Variants in PTCHD4 observed in about 807,000 individuals in gnomAD.
The protein encoded by PTCHD4 is patched domain containing 4, also known as patched domain-containing protein 4.
In PTCHD4, 33 loss-of-function variants were observed where a neutral mutation model predicts 58.1. The ratio of observed to expected loss-of-function variants is 0.57; its 90% CI spans 0.43 to 0.76. The LOEUF (loss-of-function observed/expected upper bound fraction) is 0.76, where lower values mean the gene tolerates loss of function less well. Ranked by LOEUF, PTCHD4 falls within the 30% of genes least tolerant of loss-of-function variation. The pLI, the probability that PTCHD4 is intolerant of heterozygous loss-of-function variation, is 0.00. For missense variants in PTCHD4, 1,058 were observed against 1,027.1 expected (o/e 1.03, Z -0.41); for synonymous variants, 478 against 409.6 (o/e 1.17, Z -2.02).
intron 4 of PTCHD4, among the ~76,000 whole-genome samples, chr6:47,984,965 A>T (rs1768006737): frequency 6.6e-6 from 1 of 152,150 alleles, no homozygotes; most frequent in Non-Finnish European, 1.5e-5. Context: ...CTTTATAATG[A>T]GTATAAAGTT....
intron 4 of PTCHD4, among the ~76,000 whole-genome samples, chr6:47,921,383 C>T (rs1765427261): frequency 6.6e-6 from 1 of 152,060 alleles, no homozygotes; most frequent in South Asian, 2.1e-4. Context: ...TTTTAAAAAT[C>T]AGCTTTTGTC....
rs1764941319 is a variant in PTCHD4 at position 48,069,846 on chromosome 6, A to T, written c.-889T>A. Among the ~76,000 whole-genome samples the T allele has an allele frequency of 6.6e-6, 1 of 152,108 alleles. No homozygotes were observed. Among genetic ancestry groups the T allele is most frequent in the Non-Finnish European group, 1.5e-5 (1 of 68,014 alleles). ...ACCCCTCACCCATGAGGACTGTTTC[A>T]AGCCATCTGGTTCAGGCTAATTTTC... On this transcript the variant is annotated 5_prime_UTR_variant, in exon 2 of 5. It removes the in-frame stop codon of an upstream open reading frame in the 5' UTR. Transcript: ENST00000339488.
chr6:48,046,356 T>G (rs1402513815), intron 3 of PTCHD4, among the ~76,000 whole-genome samples: 1 of 151,852 alleles, frequency 6.6e-6, no homozygotes, highest in Non-Finnish European at 1.5e-5. Flanking sequence ...GCACTGTTCC[T>G]ATGAAGCTTT....
intron 3 of PTCHD4, among the ~76,000 whole-genome samples, chr6:48,037,021 T>C (rs1354332648): frequency 1.3e-5 from 2 of 152,154 alleles, no homozygotes; most frequent in Non-Finnish European, 2.9e-5. Flanking sequence ...AGCCATTTAC[T>C]GCAAGTAAAG....
Position 48,065,331 on chromosome 6 carries a change from C to A in PTCHD4, c.417+2899G>T, listed in dbSNP as rs538145321. Reference sequence around the variant, plus strand: ...TTTTCTGCCTTCCAATAGCATTTTCCAGTACTAAAATTTTCCATATTGGTC... The same window carrying A: ...TTTTCTGCCTTCCAATAGCATTTTCAAGTACTAAAATTTTCCATATTGGTC... On this transcript the variant is annotated intron_variant, in intron 3 of 4. Transcript: ENST00000339488. Among the ~76,000 whole-genome samples the A allele has an allele frequency of 2.3e-4, 35 of 152,188 alleles. No individual in the cohort carries two copies. In the South Asian group the frequency reaches 6.8e-3, roughly 30 times the overall value.
intron 3 of PTCHD4, among the ~76,000 whole-genome samples, chr6:48,028,218 C>T (rs1458771668): frequency 3.3e-5 from 5 of 152,082 alleles, no homozygotes; most frequent in African/African-American, 9.7e-5. Context: ...GCTAAGATTA[C>T]AGGCATGAGT....
At chr6:48,110,495 A>T (rs1294160486) in intron 1 of PTCHD4, among the ~76,000 whole-genome samples, 1 of 152,030 alleles carries the variant, frequency 6.6e-6, no homozygotes, top group East Asian at 1.9e-4. Flanking sequence ...GGAAGGAAAT[A>T]TGTAGGTCAA....
intron 1 of PTCHD4, among the ~76,000 whole-genome samples, chr6:48,074,126 G>A (rs763742876): frequency 6.6e-6 from 1 of 151,636 alleles, no homozygotes; most frequent in African/African-American, 2.4e-5. Flanking sequence ...TAGCCTCATC[G>A]CTTGGCTCAG....
At chr6:48,070,449 G>A (rs1764956702) in intron 1 of PTCHD4, among the ~76,000 whole-genome samples, 1 of 152,136 alleles carries the variant, frequency 6.6e-6, no homozygotes, top group Admixed American at 6.5e-5. Context: ...TGACACAGCA[G>A]AGAGCTCAGA....
chr6:48,098,057 CA>C (rs1765511116), intron 1 of PTCHD4, among the ~76,000 whole-genome samples: 1 of 152,072 alleles, frequency 6.6e-6, no homozygotes, highest in South Asian at 2.1e-4. Context: ...AAGAAGGGCC[CA>C]TATCCCTTTT....
chr6:48,051,607 T>G (rs1005147872), intron 3 of PTCHD4, among the ~76,000 whole-genome samples: 1 of 151,984 alleles, frequency 6.6e-6, no homozygotes, highest in African/African-American at 2.4e-5. Flanking sequence ...TCCATACCCA[T>G]AAAATTTTCC....
intron 3 of PTCHD4, among the ~76,000 whole-genome samples, chr6:48,047,687 A>G (rs332552): frequency 0.87 from 131,222 of 151,626 alleles, 56,755 homozygotes; most frequent in Middle Eastern, 0.87. Context: ...GAGTCCTCAC[A>G]AATGAGATTA....
At chr6:47,995,327 G>A (rs535989745) in intron 4 of PTCHD4, among the ~76,000 whole-genome samples, 20 of 152,258 alleles carry the variant, frequency 1.3e-4, no homozygotes, top group African/African-American at 4.3e-4. Flanking sequence ...GACAGCATCT[G>A]GGAGGCATTG....
At position 48,091,191 on chromosome 6, in the gene PTCHD4, A is replaced by T. The variant is rs534340376; in HGVS notation, c.-970+19858T>A. Among the ~76,000 whole-genome samples the T allele has an allele frequency of 1.8e-4, 27 of 152,226 alleles. No individual in the cohort carries two copies. The South Asian group carries it at 5.4e-3, about 30-fold the overall frequency. ...TTAGGCACTCATTTTAACCTTTTAA[A>T]TTTTTTATGGCTTTTACTCTTCTTA... On this transcript the variant is annotated intron_variant, in intron 1 of 4. Transcript: ENST00000339488.
In PTCHD4 at chr6:47,872,370, TTAC is replaced by T. The variant is rs1763739090; in HGVS notation, c.*5930_*5932del. Among the ~76,000 whole-genome samples, 1 of 151,644 alleles carries T rather than the reference TTAC, an allele frequency of 6.6e-6. No homozygotes were observed. Among genetic ancestry groups the T allele is most frequent in the South Asian group, 2.1e-4 (1 of 4,824 alleles). On this transcript the variant is annotated 3_prime_UTR_variant, in exon 5 of 5. Transcript: ENST00000339488. Reference sequence around the variant, plus strand: ...TGACAGAGCCTTGTGGGCAATGTGCTTACTCTACAAACTGTGGCAACAGAGGGA... The same window carrying T: ...TGACAGAGCCTTGTGGGCAATGTGCTTCTACAAACTGTGGCAACAGAGGGA...
rs1229898704 is a variant in PTCHD4 at position 47,877,331 on chromosome 6, A to G, written c.*972T>C. Among the ~76,000 whole-genome samples the G allele has an allele frequency of 6.6e-6, 1 of 152,062 alleles. No individual in the cohort carries two copies. The highest frequency in any genetic ancestry group is 2.4e-5 in the African/African-American group (1 of 41,408). On this transcript the variant is annotated 3_prime_UTR_variant, in exon 5 of 5. Coordinates refer to ENST00000339488, the MANE Select transcript of PTCHD4 (RefSeq NM_001384253.1). ...TGTGCACCCTTAGACTCATGTATGG[A>G]TAATCTGTGTAAAGCGCTCATTTGC...
chr6:48,073,990 C>A (rs984719356), intron 1 of PTCHD4, among the ~76,000 whole-genome samples: 4 of 152,074 alleles, frequency 2.6e-5, no homozygotes, highest in African/African-American at 9.7e-5. Flanking sequence ...TATCATCTGA[C>A]CCCCTTTTGT....
chr6:47,918,771 G>A (rs1441872564), intron 4 of PTCHD4, among the ~76,000 whole-genome samples: 2 of 151,950 alleles, frequency 1.3e-5, no homozygotes, highest in Non-Finnish European at 2.9e-5. Context: ...TTTTTATCCT[G>A]GTACAATGTT....
In PTCHD4 at chr6:47,880,638, A is replaced by G. The variant is rs547655623; in HGVS notation, c.899-702T>C. 8.9e-4 allele frequency among the ~76,000 whole-genome samples: 135 copies of G among 152,282 alleles called. No homozygotes were observed. The Middle Eastern group carries it at 0.014, about 15-fold the overall frequency. ...TCCTCATAGAGCTCTGATTCACGTG[A>G]GATGGATGCTGACTAAATGCTTTTG... On this transcript the variant is annotated intron_variant, in intron 4 of 4. Coordinates refer to ENST00000339488, the MANE Select transcript of PTCHD4 (RefSeq NM_001384253.1).
Sources: allele counts gnomAD v4.1 joint callset (sites outside exome capture counted in the v4.1 genomes callset), GRCh38; gene constraint gnomAD v4.1.1; transcripts MANE v1.5; gene names NCBI Gene and HGNC (gene_info 2026-07-23, HGNC 2026-07-21).